ZMAT4: variants seen among roughly 807,000 people sequenced by gnomAD.
ZMAT4 encodes the protein zinc finger matrin-type protein 4.
Under a neutral mutation model 28.7 loss-of-function variants are expected in ZMAT4, and 17 were observed. The ratio of observed to expected loss-of-function variants is 0.59; its 90% CI spans 0.41 to 0.89. The LOEUF (loss-of-function observed/expected upper bound fraction) is 0.89, where lower values mean the gene tolerates loss of function less well. Among genes scored for constraint, ZMAT4 ranks in the 40% least tolerant of loss-of-function variants. The pLI, the probability that ZMAT4 is intolerant of heterozygous loss-of-function variation, is 0.00. For missense variants in ZMAT4, 240 were observed against 283.8 expected (o/e 0.85, Z 1.11); for synonymous variants, 117 against 109.2 (o/e 1.07, Z -0.44).
chr8:40,609,294 A>G (rs1805710572), intron 5 of ZMAT4, among the ~76,000 whole-genome samples: 1 of 152,168 alleles, frequency 6.6e-6, no homozygotes, highest in Admixed American at 6.5e-5. Flanking sequence ...ATTACTCTTG[A>G]TGTCTGTACT....
chr8:40,806,676 G>A (rs891973858), intron 2 of ZMAT4, among the ~76,000 whole-genome samples: 1 of 152,066 alleles, frequency 6.6e-6, no homozygotes, highest in Non-Finnish European at 1.5e-5. Context: ...TGTGATGGAC[G>A]GCACATATTT....
At chr8:40,668,344 C>T (rs1324788332) in intron 5 of ZMAT4, among the ~76,000 whole-genome samples, 1 of 151,728 alleles carries the variant, frequency 6.6e-6, no homozygotes, top group Non-Finnish European at 1.5e-5. Flanking sequence ...GTGGCACGCA[C>T]CTGTAGTCCC....
intron 2 of ZMAT4, among the ~76,000 whole-genome samples, chr8:40,774,992 G>A (rs10086317): frequency 0.58 from 87,409 of 151,940 alleles, 26,554 homozygotes; most frequent in Middle Eastern, 0.71. Flanking sequence ...AGGAATATAT[G>A]TCCCAGAAAG....
At chr8:40,618,902 C>T (rs925973691) in intron 5 of ZMAT4, among the ~76,000 whole-genome samples, 3 of 152,146 alleles carry the variant, frequency 2.0e-5, no homozygotes, top group African/African-American at 7.2e-5. Flanking sequence ...CCAGGAAACA[C>T]TAATGGGGAG....
chr8:40,551,882 C>T (rs1219706864), intron 6 of ZMAT4, among the ~76,000 whole-genome samples: 1 of 152,108 alleles, frequency 6.6e-6, no homozygotes, highest in East Asian at 1.9e-4. Flanking sequence ...TGCAGTGAGA[C>T]ACATAAGCTC....
At chr8:40,881,447 G>GAAAT (rs1373524396) in intron 1 of ZMAT4, among the ~76,000 whole-genome samples, 5 of 115,502 alleles carry the variant, frequency 4.3e-5, no homozygotes, top group African/African-American at 1.8e-4. Context: ...AAGAAAGAAA[G>GAAAT]AAAGAAAGAA....
chr8:40,819,629 G>A (rs547747857), intron 2 of ZMAT4, among the ~76,000 whole-genome samples: 6 of 152,172 alleles, frequency 3.9e-5, no homozygotes, highest in Admixed American at 3.9e-4. Flanking sequence ...CTCTTGGGAG[G>A]GACGAGGATG....
intron 1 of ZMAT4, among the ~76,000 whole-genome samples, chr8:40,878,042 A>G (rs1160352792): frequency 6.6e-6 from 1 of 152,200 alleles, no homozygotes; most frequent in Non-Finnish European, 1.5e-5. Flanking sequence ...AGAGTAATGA[A>G]AGAATAACAC....
intron 1 of ZMAT4, among the ~76,000 whole-genome samples, chr8:40,843,608 G>A (rs1243016966): frequency 1.3e-5 from 2 of 152,154 alleles, no homozygotes; most frequent in African/African-American, 4.8e-5. Context: ...TTATCTCCAG[G>A]TTCTTAGCAC....
intron 1 of ZMAT4, among the ~76,000 whole-genome samples, chr8:40,854,226 A>C (rs1458606192): frequency 6.6e-6 from 1 of 152,196 alleles, no homozygotes; most frequent in African/African-American, 2.4e-5. Context: ...GAGTCTTAGG[A>C]AACCTGAGTG....
At chr8:40,710,115 A>G (rs866386799) in intron 3 of ZMAT4, among the ~76,000 whole-genome samples, 4 of 151,944 alleles carry the variant, frequency 2.6e-5, no homozygotes, top group African/African-American at 9.7e-5. Flanking sequence ...TATAATTAAG[A>G]TAAATAGAAC....
chr8:40,846,168 C>G (rs1415142150), intron 1 of ZMAT4, among the ~76,000 whole-genome samples: 1 of 152,118 alleles, frequency 6.6e-6, no homozygotes, highest in African/African-American at 2.4e-5. Flanking sequence ...AAACGCACCA[C>G]CCCCCTCCCT....
chr8:40,533,073 G>GT (rs1802744677), intron 6 of ZMAT4, among the ~76,000 whole-genome samples: 1 of 151,860 alleles, frequency 6.6e-6, no homozygotes, highest in Admixed American at 6.6e-5. Context: ...TTTTAGTTTT[G>GT]TTTTTTTCTT....
intron 3 of ZMAT4, among the ~76,000 whole-genome samples, chr8:40,761,666 C>G (rs1202149467): frequency 2.6e-5 from 4 of 152,184 alleles, no homozygotes; most frequent in Admixed American, 1.3e-4. Context: ...GTGTCCTTTA[C>G]AGCATGCGGC....
At chr8:40,651,840 C>T (rs1807672728) in intron 5 of ZMAT4, among the ~76,000 whole-genome samples, 1 of 128,126 alleles carries the variant, frequency 7.8e-6, no homozygotes, top group Non-Finnish European at 1.7e-5. Flanking sequence ...GAAAGGATTC[C>T]CTATTTAATA....
At chr8:40,811,716 G>A (rs1272784185) in intron 2 of ZMAT4, among the ~76,000 whole-genome samples, 1 of 152,204 alleles carries the variant, frequency 6.6e-6, no homozygotes, top group Admixed American at 6.5e-5. Context: ...TTAGACAGCA[G>A]TTAGAAGCCA....
intron 5 of ZMAT4, among the ~76,000 whole-genome samples, chr8:40,591,187 C>T (rs1804882082): frequency 6.6e-6 from 1 of 152,122 alleles, no homozygotes; most frequent in Non-Finnish European, 1.5e-5. Context: ...TAGGTGGCGT[C>T]TAAAACCGCA....
intron 1 of ZMAT4, among the ~76,000 whole-genome samples, chr8:40,868,737 A>G (rs1177665196): frequency 6.6e-6 from 1 of 152,158 alleles, no homozygotes; most frequent in Non-Finnish European, 1.5e-5. Context: ...CTAATGCTGC[A>G]TTCTTGCCTT....
chr8:40,705,876 T>C (rs1486816454), intron 3 of ZMAT4, among the ~76,000 whole-genome samples: 1 of 152,166 alleles, frequency 6.6e-6, no homozygotes, highest in Non-Finnish European at 1.5e-5. Context: ...TAATGAGGTA[T>C]TTTATATTCT....
Sources: allele counts gnomAD v4.1 joint callset (sites outside exome capture counted in the v4.1 genomes callset), GRCh38; gene constraint gnomAD v4.1.1; transcripts MANE v1.5; gene names NCBI Gene and HGNC (gene_info 2026-07-23, HGNC 2026-07-21).